Variants in ZRANB3 observed in about 807,000 individuals in gnomAD.
The protein encoded by ZRANB3 is zinc finger RANBP2-type containing 3.
A neutral mutation model predicts 133.8 loss-of-function variants in ZRANB3; 125 were observed. That is an observed-to-expected ratio of 0.93 (90% CI 0.81 to 1.08). ZRANB3 has a LOEUF of 1.08. Ranked by LOEUF, ZRANB3 falls within the 50% of genes least tolerant of loss-of-function variation. ZRANB3 has a pLI of 0.00. For missense variants in ZRANB3, 1,229 were observed against 1,275.5 expected (o/e 0.96, Z 0.56); for synonymous variants, 387 against 432.7 (o/e 0.89, Z 1.31).
intron 1 of ZRANB3, among the ~76,000 whole-genome samples, chr2:135,524,443 T>C (rs1400607186): frequency 2.0e-5 from 3 of 152,212 alleles, no homozygotes; most frequent in Non-Finnish European, 2.9e-5. Context: ...TGATTCTCGA[T>C]GACACCCAAG....
At chr2:135,223,517 G>A (rs975646325) in intron 15 of ZRANB3, among the ~76,000 whole-genome samples, 5 of 151,612 alleles carry the variant, frequency 3.3e-5, no homozygotes, top group Middle Eastern at 3.4e-3. Flanking sequence ...GTAGAGGTGG[G>A]GGGTTTCACC....
Position 135,269,072 on chromosome 2 carries a change from G to C in ZRANB3, c.1276C>G (p.Gln426Glu), listed in dbSNP as rs1440865791. The part of the protein sequence containing the change: ...ELYWDPGHIK[Q>E]AEDRAHRIGQ... ...ATTCTGTGAGCTCGGTCTTCTGCTT[G>C]TTTTATATGTCCAGGGTCCCAGTAC... Residue 426 changes from glutamine to glutamate, a missense_variant, in exon 11 of 21, where the codon CAA (glutamine) becomes GAA (glutamate). Transcript: ENST00000264159. 1 of 1,612,868 alleles carries C rather than the reference G, an allele frequency of 6.2e-7. No homozygotes were observed. Among genetic ancestry groups the C allele is most frequent in the East Asian group, 2.2e-5 (1 of 44,790 alleles).
chr2:135,297,903 G>A (rs1482036855), intron 8 of ZRANB3, among the ~76,000 whole-genome samples: 4 of 152,042 alleles, frequency 2.6e-5, no homozygotes, highest in African/African-American at 9.7e-5. Context: ...CTATTTCTCT[G>A]GAGACTTTTT....
intron 19 of ZRANB3, among the ~76,000 whole-genome samples, chr2:135,206,491 T>C (rs544983800): frequency 1.3e-3 from 200 of 152,148 alleles, no homozygotes; most frequent in African/African-American, 4.7e-3. Flanking sequence ...ACACCTGCCT[T>C]GGCCTCCCAA....
At chr2:135,419,857 T>C (rs1190094122) in intron 2 of ZRANB3, among the ~76,000 whole-genome samples, 1 of 151,750 alleles carries the variant, frequency 6.6e-6, no homozygotes, top group Non-Finnish European at 1.5e-5. Context: ...TTGGTGGTAG[T>C]TGTTGTTATC....
At chr2:135,391,080 C>T (rs934624713) in intron 2 of ZRANB3, among the ~76,000 whole-genome samples, 3 of 152,198 alleles carry the variant, frequency 2.0e-5, no homozygotes, top group South Asian at 2.1e-4. Flanking sequence ...AGGATGGTAT[C>T]GATCTCTTGA....
intron 11 of ZRANB3, among the ~76,000 whole-genome samples, chr2:135,266,065 C>T (rs534372168): frequency 1.6e-4 from 24 of 152,024 alleles, no homozygotes; most frequent in Admixed American, 7.9e-4. Flanking sequence ...AAAAATTAGC[C>T]GGGCGTGGTG....
rs1317739675 is a variant in ZRANB3 at position 135,251,515 on chromosome 2, T to C, written c.1539+14019A>G. Among the ~76,000 whole-genome samples the C allele has an allele frequency of 2.0e-5, 3 of 152,286 alleles. No homozygotes were observed. The East Asian group carries it at 5.8e-4, about 29-fold the overall frequency. ...TGAATTGTATCTCCCAGAATTCCCA[T>C]GTGTTGTGGGAGGGACACAAGGGTA... On this transcript the variant is annotated intron_variant, in intron 12 of 20. Transcript: ENST00000264159.
chr2:135,415,265 T>C (rs1221185978), intron 2 of ZRANB3, among the ~76,000 whole-genome samples: 6 of 150,710 alleles, frequency 4.0e-5, no homozygotes, highest in African/African-American at 1.5e-4. Flanking sequence ...TAAAAAATGA[T>C]AAAGGGGATA....
intron 11 of ZRANB3, 36 bp downstream of exon 11, chr2:135,268,926 A>C (rs1346298126): frequency 6.4e-7 from 1 of 1,569,058 alleles, no homozygotes; most frequent in East Asian, 2.3e-5. Context: ...GTTAATAGTA[A>C]GTAAGCTGCT....
At chr2:135,231,169 T>C (rs576762827) in intron 12 of ZRANB3, among the ~76,000 whole-genome samples, 1 of 152,274 alleles carries the variant, frequency 6.6e-6, no homozygotes, top group South Asian at 2.1e-4. Context: ...GCCAAGCATT[T>C]AACATATATT....
At chr2:135,511,223 C>G in intron 1 of ZRANB3, 1 of 938,696 alleles carries the variant, frequency 1.1e-6, no homozygotes, top group Non-Finnish European at 1.8e-6. Context: ...CCCATACTGT[C>G]TGAGATATGT....
At chr2:135,391,247 A>G (rs1175492925) in intron 2 of ZRANB3, among the ~76,000 whole-genome samples, 1 of 152,186 alleles carries the variant, frequency 6.6e-6, no homozygotes, top group Non-Finnish European at 1.5e-5. Flanking sequence ...AGAGGTGTTT[A>G]TAAGTATGAG....
At chr2:135,293,055 T>G (rs948916274) in intron 8 of ZRANB3, among the ~76,000 whole-genome samples, 5 of 152,086 alleles carry the variant, frequency 3.3e-5, no homozygotes, top group African/African-American at 1.2e-4. Context: ...TTCTTTTGGC[T>G]TAGGATTGAC....
At chr2:135,397,929 T>C (rs1013681855) in intron 2 of ZRANB3, among the ~76,000 whole-genome samples, 7 of 152,224 alleles carry the variant, frequency 4.6e-5, no homozygotes, top group Non-Finnish European at 8.8e-5. Context: ...TCTGCATATG[T>C]AGCAGAAGTG....
In ZRANB3 at chr2:135,345,639, T is replaced by C; in HGVS notation, c.592-4A>G. The C allele has an allele frequency of 1.3e-6, 2 of 1,590,788 alleles. No homozygotes were observed. The highest frequency in any genetic ancestry group is 1.7e-6 in the Non-Finnish European group (2 of 1,162,254). ...GAGCTTCAATCTGCATAAAAAGCTATAATAATACAAGTGTTTGTAGTATGT... is the reference window on the plus strand; with the variant it reads ...GAGCTTCAATCTGCATAAAAAGCTACAATAATACAAGTGTTTGTAGTATGT... On this transcript the variant is annotated splice_polypyrimidine_tract_variant and splice_region_variant and intron_variant, in intron 5 of 20. Transcript: ENST00000264159.
intron 6 of ZRANB3, among the ~76,000 whole-genome samples, chr2:135,320,527 T>C (rs58839360): frequency 2.6e-5 from 4 of 152,120 alleles, no homozygotes; most frequent in Non-Finnish European, 5.9e-5. Context: ...TTTTACAGAG[T>C]AAGTAAAAAT....
intron 4 of ZRANB3, 124 bp downstream of exon 4, chr2:135,353,326 T>G (rs948423851): frequency 7.3e-6 from 4 of 544,934 alleles, no homozygotes; most frequent in Non-Finnish European, 1.2e-5. Flanking sequence ...AATAAAATTC[T>G]CCATACTACT....
At chr2:135,268,285 C>A (rs561376622) in intron 11 of ZRANB3, among the ~76,000 whole-genome samples, 4 of 152,252 alleles carry the variant, frequency 2.6e-5, no homozygotes, top group Admixed American at 6.5e-5. Flanking sequence ...CTGCCTCAGG[C>A]TCCCAAGTAG....
Sources: gnomAD v4.1 joint callset for allele counts (sites outside exome capture counted in the v4.1 genomes callset) on GRCh38, gnomAD v4.1.1 for gene constraint, MANE v1.5 for transcripts, NCBI Gene and HGNC (gene_info 2026-07-23, HGNC 2026-07-21) for gene names.